SCN1B: variants seen among roughly 807,000 people sequenced by gnomAD.
The protein encoded by SCN1B is sodium voltage-gated channel beta subunit 1.
SCN1B carries 11 observed loss-of-function variants against 25.7 expected under a neutral mutation model. That is an observed-to-expected ratio of 0.43 (90% CI 0.27 to 0.71). SCN1B has a LOEUF of 0.71. Among genes scored for constraint, SCN1B ranks in the 30% least tolerant of loss-of-function variants. SCN1B has a pLI of 0.21. For synonymous variants in SCN1B, 119 were observed against 117.5 expected (o/e 1.01, Z -0.08); for missense variants, 224 against 291.5 (o/e 0.77, Z 1.69).
At chr19:35,033,773 C>T in intron 3 of SCN1B, 34 bp downstream of exon 3, 2 of 1,613,788 alleles carry the variant, frequency 1.2e-6, no homozygotes, top group African/African-American at 1.3e-5. Context: ...TTTACCGTCA[C>T]CCACCGGAGA....
rs111847391 is a variant in SCN1B, at chr19:35,032,738, G to C, written c.207+44G>C. 6.2e-7 allele frequency: 1 copy of C among 1,603,852 alleles called. No individual in the cohort carries two copies. Among genetic ancestry groups the C allele is most frequent in the Non-Finnish European group, 8.5e-7 (1 of 1,173,752 alleles). On this transcript the variant is annotated intron_variant, in intron 2 of 5. Coordinates refer to ENST00000262631, the MANE Select transcript of SCN1B (RefSeq NM_001037.5). The surrounding 1 kb of genome is among the most constrained non-coding windows in gnomAD (Gnocchi z 4.3). ...CGGGCATGGGAGGGCAGGGGTCCAC[G>C]AGTGGGAGGCGGTGGGGCTGGATCT...
intron 3 of SCN1B, chr19:35,038,064 G>C (rs1002043027): frequency 8.8e-6 from 1 of 113,206 alleles, no homozygotes; most frequent in Non-Finnish European, 2.1e-5. Flanking sequence ...GGGCAGGCAG[G>C]GGGGGCATCC....
In SCN1B at chr19:35,034,100, C is replaced by A. The variant is rs1315778862; in HGVS notation, c.448+361C>A. On this transcript the variant is annotated intron_variant, in intron 3 of 5. Transcript: ENST00000262631. ...TGTGTTTCTCGGGGTGTGGTTTGAG[C>A]CATTCTTCCATCATGGGGTTCATGA... is the stretch of plus-strand genomic sequence containing the variant. The A allele has an allele frequency of 1.3e-6, 2 of 1,551,630 alleles. No individual in the cohort carries two copies. The highest frequency in any genetic ancestry group is 2.7e-5 in the African/African-American group (2 of 73,166).
Position 35,030,787 on chromosome 19 carries a change from C to A in SCN1B, c.-34C>A. 1.0e-6 allele frequency: 1 copy of A among 960,150 alleles called. No homozygotes were observed. Among genetic ancestry groups the A allele is most frequent in the Non-Finnish European group, 1.4e-6 (1 of 726,332 alleles). 59.5% of individuals were successfully genotyped at this position (960,150 alleles called of 1,614,324 possible). On this transcript the variant is annotated 5_prime_UTR_variant, in exon 1 of 6. Transcript: ENST00000262631. ...CTCGCCCCGCTATTAATACCGGCGG[C>A]CCGGGAGGGGGGCGCAGCACGCGCC...
intron 3 of SCN1B, chr19:35,036,001 T>G (rs1252826343): frequency 6.6e-6 from 1 of 151,362 alleles, no homozygotes; most frequent in Non-Finnish European, 1.5e-5. Context: ...CCCACGTAGC[T>G]GGGACTACAG....
At chr19:35,039,579 G>T (rs1406604515) in intron 4 of SCN1B, 56 bp from the exon 5 acceptor site, 2 of 1,575,714 alleles carry the variant, frequency 1.3e-6, no homozygotes, top group African/African-American at 1.4e-5. Context: ...CCCATCCCCC[G>T]GGGGTTGGGT....
rs888497288 is a variant in SCN1B, at chr19:35,039,913, C to T, written c.*122C>T. ...CCAGAAAGCCTCAGAGTCCTGCCGA[C>T]GGAGCCACTGGGGTGGGAGGGGGCA... is the stretch of plus-strand genomic sequence containing the variant. On this transcript the variant is annotated 3_prime_UTR_variant, in exon 6 of 6. Coordinates refer to ENST00000262631, the MANE Select transcript of SCN1B (RefSeq NM_001037.5). 1 of 600,458 alleles carries T rather than the reference C, an allele frequency of 1.7e-6. No homozygotes were observed. The highest frequency in any genetic ancestry group is 3.0e-6 in the Non-Finnish European group (1 of 338,974). 37.2% of individuals were successfully genotyped at this position (600,458 alleles called of 1,614,324 possible). A position where few individuals can be genotyped will look rare whatever the true frequency, so the allele number is the denominator to read the frequency against.
At chr19:35,039,373 C>T (rs2064269820) in intron 4 of SCN1B, 115 bp downstream of exon 4, 1 of 1,421,618 alleles carries the variant, frequency 7.0e-7, no homozygotes, top group Non-Finnish European at 9.8e-7. Context: ...GGCGCCATCT[C>T]TCAGTACTAC....
Position 35,030,773 on chromosome 19 carries a change from A to T in SCN1B, c.-48A>T. The T allele has an allele frequency of 1.3e-6, 1 of 747,792 alleles. No homozygotes were observed. Among genetic ancestry groups the T allele is most frequent in the Admixed American group, 3.5e-5 (1 of 28,480 alleles). 46.3% of individuals were successfully genotyped at this position (747,792 alleles called of 1,614,324 possible). A position where few individuals can be genotyped will look rare whatever the true frequency, so the allele number is the denominator to read the frequency against. On this transcript the variant is annotated 5_prime_UTR_variant, in exon 1 of 6. Transcript: ENST00000262631. ...AGGTCCCGCCGCCTCTCGCCCCGCT[A>T]TTAATACCGGCGGCCCGGGAGGGGG... is the stretch of plus-strand genomic sequence containing the variant.
Position 35,032,774 on chromosome 19 carries a change from G to A in SCN1B, c.207+80G>A. 2 of 1,505,392 alleles carry A rather than the reference G, an allele frequency of 1.3e-6. No individual in the cohort carries two copies. The highest frequency in any genetic ancestry group is 1.1e-5 in the South Asian group (1 of 88,514). 93.3% of individuals were successfully genotyped at this position (1,505,392 alleles called of 1,614,324 possible). On this transcript the variant is annotated intron_variant, in intron 2 of 5. Transcript: ENST00000262631. The surrounding 1 kb of genome is among the most constrained non-coding windows in gnomAD (Gnocchi z 4.3). ...GGTGGGGCTGGATCTCAGGGAGGGGGCTTATTTGTTTAATAATATGCTGTG... is the reference window on the plus strand; with the variant it reads ...GGTGGGGCTGGATCTCAGGGAGGGGACTTATTTGTTTAATAATATGCTGTG...
chr19:35,038,466 C>G, intron 3 of SCN1B: 1 of 159,928 alleles, frequency 6.3e-6, no homozygotes, highest in Non-Finnish European at 1.4e-5. Context: ...TCCTCTCCAG[C>G]AACCCTGTGA....
At position 35,039,877 on chromosome 19, in the gene SCN1B, AC is replaced by A. The variant is rs2064275473; in HGVS notation, c.*87del. The A allele has an allele frequency of 1.5e-6, 1 of 673,674 alleles. No individual in the cohort carries two copies. 41.7% of individuals were successfully genotyped at this position (673,674 alleles called of 1,614,324 possible). On this transcript the variant is annotated 3_prime_UTR_variant, in exon 6 of 6. Transcript: ENST00000262631. ...GCCTGCCCCCAGCGTGGGGGTGGCCACTCCTGGGCCCCAGAAAGCCTCAGAG... is the reference window on the plus strand; with the variant it reads ...GCCTGCCCCCAGCGTGGGGGTGGCCATCCTGGGCCCCAGAAAGCCTCAGAG...
chr19:35,036,675 C>T (rs1324078803), intron 3 of SCN1B: 1 of 151,954 alleles, frequency 6.6e-6, no homozygotes, highest in Non-Finnish European at 1.5e-5. Flanking sequence ...TCAGGTGATC[C>T]ACCCACCTCA....
Position 35,032,939 on chromosome 19 carries a change from A to G in SCN1B, c.207+245A>G, listed in dbSNP as rs2064223600. Among the ~76,000 whole-genome samples the G allele has an allele frequency of 6.6e-6, 1 of 152,162 alleles. No individual in the cohort carries two copies. Among genetic ancestry groups the G allele is most frequent in the East Asian group, 1.9e-4 (1 of 5,192 alleles). On this transcript the variant is annotated intron_variant, in intron 2 of 5. Transcript: ENST00000262631. This position sits in a 1 kb window ranked among gnomAD's most constrained non-coding sequence, Gnocchi z 4.3. ...GGTCTCTAGCCCATAGGTTTGTGTG[A>G]GGACTGAATGCATTGACGCACCTGG...
At position 35,030,875 on chromosome 19, in the gene SCN1B, G is replaced by T. The variant is rs72556351; in HGVS notation, c.40+15G>T. ...CGCGGCACTGGGTGAGTGCGCGGGG[G>T]GCGCGCGCGGCCGGGGGGCACCGCG... On this transcript the variant is annotated intron_variant, in intron 1 of 5. Transcript: ENST00000262631. The T allele has an allele frequency of 0.2, 134,516 of 659,806 alleles. 14,317 individuals are homozygous for T. Among genetic ancestry groups the T allele is most frequent in the Middle Eastern group, 0.28 (451 of 1,588 alleles). The allele number at this position is 659,806 out of a possible 1,614,324, so 40.9% of individuals were successfully genotyped here.
In SCN1B at chr19:35,034,009, T is replaced by C. The variant is rs1173518227; in HGVS notation, c.448+270T>C. 1.9e-6 allele frequency: 3 copies of C among 1,549,254 alleles called. No homozygotes were observed. Among genetic ancestry groups the C allele is most frequent in the African/African-American group, 1.4e-5 (1 of 72,998 alleles). On this transcript the variant is annotated intron_variant, in intron 3 of 5. Coordinates refer to ENST00000262631, the MANE Select transcript of SCN1B (RefSeq NM_001037.5). ...GCTCTGTCACCTGTGCTGTATGACCTCTGGCAGGTGCCTTCTGTCTCTGAG... is the reference window on the plus strand; with the variant it reads ...GCTCTGTCACCTGTGCTGTATGACCCCTGGCAGGTGCCTTCTGTCTCTGAG...
intron 3 of SCN1B, chr19:35,035,505 G>A (rs945661178): frequency 2.0e-5 from 3 of 152,134 alleles, no homozygotes; most frequent in African/African-American, 7.2e-5. Context: ...GGCCAGGCTG[G>A]TCTCGAACTC....
In SCN1B at chr19:35,033,947, T is replaced by C; in HGVS notation, c.448+208T>C. On this transcript the variant is annotated intron_variant, in intron 3 of 5. Transcript: ENST00000262631. ...TCCAGCCCACGGAGAGGTCAAAGCA[T>C]GCCTGTCCCCCACAGACGCTCCGGG... The C allele has an allele frequency of 6.4e-7, 1 of 1,555,120 alleles. No individual in the cohort carries two copies. The highest frequency in any genetic ancestry group is 8.7e-7 in the Non-Finnish European group (1 of 1,148,782).
intron 3 of SCN1B, 96 bp from the exon 4 acceptor site, chr19:35,039,021 T>A: frequency 7.1e-7 from 1 of 1,418,134 alleles, no homozygotes; most frequent in Non-Finnish European, 9.9e-7. Flanking sequence ...CCCAGGGAGG[T>A]TGAGCCACTC....
Sources: allele counts gnomAD v4.1 joint callset (sites outside exome capture counted in the v4.1 genomes callset), GRCh38; gene constraint gnomAD v4.1.1; non-coding constraint Gnocchi (gnomAD v3.1); transcripts MANE v1.5; gene names NCBI Gene and HGNC (gene_info 2026-07-23, HGNC 2026-07-21).